The following ME3 variants were observed in gnomAD, a reference collection of about 807,000 sequenced individuals.
The protein encoded by ME3 is NADP-dependent malic enzyme, mitochondrial.
In ME3, 48 loss-of-function variants were observed where a neutral mutation model predicts 68.9. The observed-to-expected ratio is 0.70, with a 90% confidence interval of 0.55 to 0.89. ME3 has a LOEUF of 0.89. ME3 is among the 40% of genes least tolerant of loss of function. The pLI is 0.00. For missense variants in ME3, 675 were observed against 797.4 expected (o/e 0.85, Z 1.85); for synonymous variants, 320 against 318.8 (o/e 1.00, Z -0.04).
chr11:86,534,016 ATT>A (rs1955461334), intron 4 of ME3, among the ~76,000 whole-genome samples: 1 of 151,942 alleles, frequency 6.6e-6, no homozygotes, highest in Admixed American at 6.6e-5. Context: ...AATAGTAAAT[ATT>A]TGTTACTATC....
chr11:86,598,193 G>C (rs891812605), intron 2 of ME3, among the ~76,000 whole-genome samples: 3 of 152,210 alleles, frequency 2.0e-5, no homozygotes, highest in Non-Finnish European at 4.4e-5. Context: ...CCCTTTCCTG[G>C]TCAAGGAAAG....
intron 5 of ME3, among the ~76,000 whole-genome samples, chr11:86,500,812 C>T (rs546532534): frequency 6.6e-6 from 1 of 152,104 alleles, no homozygotes; most frequent in Non-Finnish European, 1.5e-5. Context: ...TCTCCCCATT[C>T]GTCAGCAGCA....
intron 2 of ME3, among the ~76,000 whole-genome samples, chr11:86,604,413 T>G (rs1232201114): frequency 6.6e-6 from 1 of 152,090 alleles, no homozygotes; most frequent in Non-Finnish European, 1.5e-5. Context: ...AATTTTATTT[T>G]TGGTTTACAC....
At chr11:86,645,430 G>A (rs1360565144) in intron 2 of ME3, among the ~76,000 whole-genome samples, 2 of 152,156 alleles carry the variant, frequency 1.3e-5, no homozygotes, top group Non-Finnish European at 2.9e-5. Flanking sequence ...CCCTCACAGT[G>A]TAAACAAAGC....
chr11:86,474,638 G>A (rs1594099012), intron 7 of ME3, among the ~76,000 whole-genome samples: 1 of 152,196 alleles, frequency 6.6e-6, no homozygotes. Context: ...AGGTTGGCAT[G>A]AGGCCACAGG....
At chr11:86,468,344 ATCCATCCATCCATCCATTT>A (rs1330136927) in intron 7 of ME3, among the ~76,000 whole-genome samples, 4 of 151,982 alleles carry the variant, frequency 2.6e-5, no homozygotes, top group Admixed American at 6.6e-5. Context: ...TCCATCATCC[ATCCATCCATCCATCCATTT>A]TCCATCCATC....
intron 6 of ME3, among the ~76,000 whole-genome samples, chr11:86,488,200 G>A (rs141131783): frequency 6.6e-6 from 1 of 152,244 alleles, no homozygotes; most frequent in East Asian, 1.9e-4. Context: ...AAGAAAAAAT[G>A]AATGTCTTGA....
chr11:86,610,482 A>C (rs1942481355), intron 2 of ME3, among the ~76,000 whole-genome samples: 1 of 152,206 alleles, frequency 6.6e-6, no homozygotes, highest in Non-Finnish European at 1.5e-5. Flanking sequence ...TGTGGAAATC[A>C]GTGCATATGC....
rs1961223886 is a variant in ME3, at chr11:86,604,090, TATA to T, written c.184-44270_184-44268del. Among the ~76,000 whole-genome samples the T allele has an allele frequency of 2.7e-5, 4 of 149,408 alleles. No homozygotes were observed. The South Asian group carries it at 8.5e-4, about 32-fold the overall frequency. ...TGCACATGTACCCTAAAACTTAAAG[TATA>T]ATAATAAAAAAAAAAGTTAAAAAAA... On this transcript the variant is annotated intron_variant, in intron 2 of 14. Transcript: ENST00000543262.
intron 4 of ME3, among the ~76,000 whole-genome samples, chr11:86,528,364 T>C (rs191027487): frequency 3.3e-5 from 5 of 152,134 alleles, no homozygotes; most frequent in Admixed American, 1.3e-4. Flanking sequence ...AGCAAGTCCT[T>C]AGAGACCTAC....
At chr11:86,539,772 T>C (rs1489169113) in intron 4 of ME3, among the ~76,000 whole-genome samples, 1 of 152,218 alleles carries the variant, frequency 6.6e-6, no homozygotes, top group Non-Finnish European at 1.5e-5. Flanking sequence ...TTTAATCTTT[T>C]CATATGTCCC....
chr11:86,645,022 A>G (rs1374526952), intron 2 of ME3, among the ~76,000 whole-genome samples: 3 of 152,174 alleles, frequency 2.0e-5, no homozygotes, highest in African/African-American at 7.2e-5. Flanking sequence ...AGACGAAGCT[A>G]TGTGGCCCAG....
chr11:86,504,167 G>A (rs997936513), intron 5 of ME3, among the ~76,000 whole-genome samples: 1 of 151,988 alleles, frequency 6.6e-6, no homozygotes, highest in African/African-American at 2.4e-5. Context: ...TGATTCAGAG[G>A]CTCCTCTGAA....
rs139818242 is a variant in ME3 at position 86,572,569 on chromosome 11, G to A, written c.184-12746C>T. ...GTTCCTGTGTTAGTTTGCTGAGGAT[G>A]ATGGCTTCCAGCTTCATTCATGTCT... On this transcript the variant is annotated intron_variant, in intron 2 of 14. Coordinates refer to ENST00000543262, the Ensembl canonical transcript of ME3. Among the ~76,000 whole-genome samples the A allele has an allele frequency of 1.6e-3, 249 of 152,292 alleles. 4 individuals are homozygous for A. The highest frequency in any genetic ancestry group is 2.9e-3 in the Non-Finnish European group (194 of 68,032).
chr11:86,604,470 C>T (rs1961308733), intron 2 of ME3, among the ~76,000 whole-genome samples: 1 of 152,136 alleles, frequency 6.6e-6, no homozygotes, highest in African/African-American at 2.4e-5. Context: ...AAAAGATTCC[C>T]TCCATCCATA....
downstream of ME3, among the ~76,000 whole-genome samples, chr11:86,437,849 A>G (rs60178462): frequency 8.7e-5 from 10 of 114,668 alleles, no homozygotes; most frequent in East Asian, 2.5e-3. Flanking sequence ...AGAGAGAGAG[A>G]GGAGAGAGAG....
chr11:86,630,305 A>T (rs1943931611), intron 2 of ME3, among the ~76,000 whole-genome samples: 1 of 152,172 alleles, frequency 6.6e-6, no homozygotes, highest in Non-Finnish European at 1.5e-5. Flanking sequence ...CGCTTGGTTG[A>T]AGTATTTTCC....
At chr11:86,486,098 C>T (rs1490925249) in intron 7 of ME3, among the ~76,000 whole-genome samples, 1 of 152,278 alleles carries the variant, frequency 6.6e-6, no homozygotes, top group South Asian at 2.1e-4. Flanking sequence ...ATCTACCCAC[C>T]TGCCCCATCA....
At chr11:86,566,172 C>T (rs1161673040) in intron 2 of ME3, among the ~76,000 whole-genome samples, 5 of 152,162 alleles carry the variant, frequency 3.3e-5, no homozygotes, top group African/African-American at 1.2e-4. Flanking sequence ...AAGGAAGGGG[C>T]CAGAATCCCC....
Sources: gnomAD v4.1 joint callset for allele counts (sites outside exome capture counted in the v4.1 genomes callset) on GRCh38, gnomAD v4.1.1 for gene constraint, MANE v1.5 for transcripts, NCBI Gene and HGNC (gene_info 2026-07-23, HGNC 2026-07-21) for gene names.